The following MAGI1 variants were observed in gnomAD, a reference collection of about 807,000 sequenced individuals.
MAGI1 encodes the protein membrane-associated guanylate kinase, WW and PDZ domain-containing protein 1.
A neutral mutation model predicts 139.9 loss-of-function variants in MAGI1; 58 were observed. The ratio of observed to expected loss-of-function variants is 0.41; its 90% confidence interval spans 0.34 to 0.52. The LOEUF is 0.52. MAGI1 is among the 20% of genes least tolerant of loss of function. The pLI is 0.12. For synonymous variants in MAGI1, 812 were observed against 737.9 expected, an observed-to-expected ratio of 1.10 and a Z score of -1.63; for missense variants, 1,874 against 1,901.6, an observed-to-expected ratio of 0.99 and a Z score of 0.27.
chr3:65,743,965 A>T (rs934447857), intron 1 of MAGI1, among the ~76,000 whole-genome samples: 1 of 66,292 alleles, frequency 1.5e-5, no homozygotes, highest in African/African-American at 4.1e-5. Context: ...ACTTTAAAAT[A>T]AAAAAAAAAA....
intron 5 of MAGI1, among the ~76,000 whole-genome samples, chr3:65,466,254 C>CT (rs1447342440): frequency 6.6e-6 from 1 of 151,986 alleles, no homozygotes; most frequent in African/African-American, 2.4e-5. Context: ...TACTCATTGC[C>CT]TTTTTTCACT....
chr3:65,743,439 G>A (rs1016389248), intron 1 of MAGI1, among the ~76,000 whole-genome samples: 2 of 152,176 alleles, frequency 1.3e-5, no homozygotes, highest in South Asian at 2.1e-4. Context: ...CGGGCGTGGT[G>A]GCTCATGTCT....
chr3:65,519,083 G>A (rs2078031586), intron 2 of MAGI1, among the ~76,000 whole-genome samples: 1 of 152,178 alleles, frequency 6.6e-6, no homozygotes, highest in South Asian at 2.1e-4. Flanking sequence ...AATGTCCTGA[G>A]GCAGGAGCAA....
intron 2 of MAGI1, among the ~76,000 whole-genome samples, chr3:65,617,129 A>T (rs1010354588): frequency 1.1e-4 from 16 of 152,228 alleles, no homozygotes; most frequent in African/African-American, 3.9e-4. Flanking sequence ...AACACATGTA[A>T]TCCCTCCGTA....
chr3:65,643,148 G>A (rs577454781), intron 1 of MAGI1, among the ~76,000 whole-genome samples: 6 of 152,274 alleles, frequency 3.9e-5, no homozygotes, highest in Admixed American at 1.3e-4. Context: ...AGATGGTGGG[G>A]TGAGTTATTC....
At chr3:66,016,587 G>C (rs2067651972) in intron 1 of MAGI1, among the ~76,000 whole-genome samples, 1 of 152,158 alleles carries the variant, frequency 6.6e-6, no homozygotes, top group Non-Finnish European at 1.5e-5. Context: ...TGGAGACTTT[G>C]GGTAAGTGGT....
intron 1 of MAGI1, among the ~76,000 whole-genome samples, chr3:65,711,846 T>A (rs2031474211): frequency 6.6e-6 from 1 of 152,188 alleles, no homozygotes; most frequent in African/African-American, 2.4e-5. Context: ...ACAAAGTCCA[T>A]CGTTCAAGCC....
chr3:65,807,345 A>G (rs1403530172), intron 1 of MAGI1, among the ~76,000 whole-genome samples: 1 of 152,166 alleles, frequency 6.6e-6, no homozygotes, highest in Non-Finnish European at 1.5e-5. Flanking sequence ...GACATATAGG[A>G]AGGACAAAAA....
chr3:65,536,943 A>G (rs2078986797), intron 2 of MAGI1, among the ~76,000 whole-genome samples: 1 of 152,102 alleles, frequency 6.6e-6, no homozygotes, highest in African/African-American at 2.4e-5. Flanking sequence ...GCCCGTAGGT[A>G]GTTTATCTTT....
intron 1 of MAGI1, among the ~76,000 whole-genome samples, chr3:66,013,306 G>C (rs2067431637): frequency 6.6e-6 from 1 of 151,756 alleles, no homozygotes. Context: ...AGGAGGCTGA[G>C]GCAGGAGAAT....
At chr3:65,806,346 T>C (rs2040852635) in intron 1 of MAGI1, among the ~76,000 whole-genome samples, 1 of 151,956 alleles carries the variant, frequency 6.6e-6, no homozygotes, top group African/African-American at 2.4e-5. Context: ...AGAGAATCCT[T>C]TGAACATGGG....
chr3:65,543,281 G>C (rs551632751), intron 2 of MAGI1, among the ~76,000 whole-genome samples: 17 of 152,172 alleles, frequency 1.1e-4, no homozygotes, highest in Non-Finnish European at 2.2e-4. Flanking sequence ...AGACAAACAG[G>C]AACATTTTTA....
chr3:65,596,261 A>T (rs1292602572), intron 2 of MAGI1, among the ~76,000 whole-genome samples: 2 of 152,180 alleles, frequency 1.3e-5, no homozygotes, highest in African/African-American at 4.8e-5. Flanking sequence ...TGCATATGGA[A>T]TTTTTATGTT....
intron 1 of MAGI1, among the ~76,000 whole-genome samples, chr3:65,681,298 T>A (rs767288189): frequency 6.6e-6 from 1 of 152,232 alleles, no homozygotes; most frequent in Non-Finnish European, 1.5e-5. Flanking sequence ...GACCACAATC[T>A]ACAAACATCT....
chr3:65,497,766 G>C (rs1235297044), intron 2 of MAGI1, among the ~76,000 whole-genome samples: 1 of 152,078 alleles, frequency 6.6e-6, no homozygotes, highest in Non-Finnish European at 1.5e-5. Context: ...TTTCCTGAGA[G>C]GATTCAAAAT....
chr3:65,746,304 G>A (rs141059930), intron 1 of MAGI1, among the ~76,000 whole-genome samples: 1,919 of 152,250 alleles, frequency 0.013, 20 homozygotes, highest in Middle Eastern at 0.024. Flanking sequence ...AAAGTGCTGG[G>A]ATTACAGGTG....
chr3:65,507,450 T>C (rs9851493), intron 2 of MAGI1, among the ~76,000 whole-genome samples: 35,695 of 152,140 alleles, frequency 0.23, 4,627 homozygotes, highest in African/African-American at 0.35. Context: ...ACACATGTGT[T>C]AGCCTGGTCA....
intron 1 of MAGI1, among the ~76,000 whole-genome samples, chr3:65,881,857 T>C (rs560059837): frequency 9.2e-5 from 14 of 152,098 alleles, no homozygotes; most frequent in South Asian, 2.1e-4. Context: ...TCTAAGTAGG[T>C]TGTGGTCAAA....
chr3:65,634,792 A>C (rs546992865), intron 1 of MAGI1, among the ~76,000 whole-genome samples: 149 of 152,342 alleles, frequency 9.8e-4, no homozygotes, highest in African/African-American at 3.4e-3. Flanking sequence ...ATGAACTCAA[A>C]GTTCGATGAT....
Sources: gnomAD v4.1 joint callset for allele counts (sites outside exome capture counted in the v4.1 genomes callset) on GRCh38, gnomAD v4.1.1 for gene constraint, MANE v1.5 for transcripts, NCBI Gene and HGNC (gene_info 2026-07-23, HGNC 2026-07-21) for gene names.